PSD3: variants seen among roughly 807,000 people sequenced by gnomAD.
The protein encoded by PSD3 is pleckstrin and Sec7 domain containing 3, also known as PH and SEC7 domain-containing protein 3.
PSD3 carries 49 observed loss-of-function variants against 105.5 expected under a neutral mutation model. The observed-to-expected ratio is 0.46, with a 90% CI of 0.37 to 0.59. The LOEUF (loss-of-function observed/expected upper bound fraction) is 0.59. Among genes scored for constraint, PSD3 ranks in the 20% least tolerant of loss-of-function variants. The pLI is 0.00. For missense variants in PSD3, 1,561 were observed against 1,263.8 expected, an observed-to-expected ratio of 1.24 and a Z score of -3.57; for synonymous variants, 557 against 457.8, an observed-to-expected ratio of 1.22 and a Z score of -2.77.
intron 9 of PSD3, among the ~76,000 whole-genome samples, chr8:18,752,047 G>C (rs1211237880): frequency 6.6e-6 from 1 of 151,070 alleles, no homozygotes; most frequent in Non-Finnish European, 1.5e-5. Context: ...AATTAGCTGG[G>C]CGTGGTGGTG....
chr8:18,955,371 G>C (rs1190806904), intron 1 of PSD3, among the ~76,000 whole-genome samples: 3 of 152,140 alleles, frequency 2.0e-5, no homozygotes, highest in African/African-American at 7.2e-5. Context: ...CTCCTGAGTA[G>C]CTGGGACTAT....
chr8:18,836,911 G>A lies in PSD3; in HGVS notation c.1634+30763C>T, dbSNP rs73666732. Reference sequence around the variant, plus strand: ...TGTGGAACTCACAGATACCAGGGCTGACTGTACTTTGCTTCTAAAAAAAAT... The same window carrying A: ...TGTGGAACTCACAGATACCAGGGCTAACTGTACTTTGCTTCTAAAAAAAAT... On this transcript the variant is annotated intron_variant, in intron 4 of 15. Coordinates refer to ENST00000327040, the MANE Select transcript of PSD3 (RefSeq NM_015310.4). Among the ~76,000 whole-genome samples the A allele has an allele frequency of 9.5e-3, 1,427 of 150,818 alleles. 21 individuals carry two copies. The highest frequency in any genetic ancestry group is 0.032 in the African/African-American group (1,303 of 41,084).
intron 15 of PSD3, among the ~76,000 whole-genome samples, chr8:18,536,528 G>T (rs566002466): frequency 1.3e-5 from 2 of 152,166 alleles, no homozygotes; most frequent in Admixed American, 1.3e-4. Context: ...GTTTCCCTCC[G>T]TTGCTTTTCT....
At chr8:18,752,512 TATATGTA>T (rs1563224995) in intron 9 of PSD3, among the ~76,000 whole-genome samples, 18 of 56,156 alleles carry the variant, frequency 3.2e-4, no homozygotes, top group African/African-American at 1.9e-3. Flanking sequence ...ATATATATAA[TATATGTA>T]ATATATATAA....
chr8:18,933,924 A>C (rs545702317), intron 2 of PSD3, among the ~76,000 whole-genome samples: 1 of 152,382 alleles, frequency 6.6e-6, no homozygotes, highest in South Asian at 2.1e-4. Context: ...ATACATGTTA[A>C]GTATAAGAGA....
At chr8:18,879,045 C>A (rs1353970673) in intron 2 of PSD3, among the ~76,000 whole-genome samples, 1 of 135,746 alleles carries the variant, frequency 7.4e-6, no homozygotes, top group Non-Finnish European at 1.6e-5. Flanking sequence ...CAAACACACA[C>A]ACACAAACAC....
At chr8:18,734,989 C>A (rs1196585448) in intron 9 of PSD3, among the ~76,000 whole-genome samples, 1 of 152,182 alleles carries the variant, frequency 6.6e-6, no homozygotes, top group Non-Finnish European at 1.5e-5. Flanking sequence ...AGACTGTGCC[C>A]TTTATCCCCT....
chr8:19,051,546 A>G (rs1447722804), intron 1 of PSD3, among the ~76,000 whole-genome samples: 2 of 152,124 alleles, frequency 1.3e-5, no homozygotes, highest in African/African-American at 2.4e-5. Context: ...GTTTGCATGA[A>G]TTTTCTTCCT....
In PSD3 at chr8:18,770,945, G is replaced by A. The variant is rs377420670; in HGVS notation, c.2083-5407C>T. 9.0e-4 allele frequency among the ~76,000 whole-genome samples: 137 copies of A among 152,308 alleles called. 1 individual carries two copies. Among genetic ancestry groups the A allele is most frequent in the African/African-American group, 3.2e-3 (131 of 41,560 alleles). Reference sequence around the variant, plus strand: ...GGAAATTTTATTGCCGATGGAAGTGGCTCTCAGCAGGAAGGGGAGCTGAAA... The same window carrying A: ...GGAAATTTTATTGCCGATGGAAGTGACTCTCAGCAGGAAGGGGAGCTGAAA... On this transcript the variant is annotated intron_variant, in intron 8 of 15. Coordinates refer to ENST00000327040, the MANE Select transcript of PSD3 (RefSeq NM_015310.4).
At chr8:18,583,406 G>A (rs1227582611) in intron 12 of PSD3, among the ~76,000 whole-genome samples, 4 of 152,242 alleles carry the variant, frequency 2.6e-5, no homozygotes, top group Non-Finnish European at 4.4e-5. Context: ...ACTCCAGTTT[G>A]GGTAACAGAG....
chr8:18,783,323 C>A (rs1394283968), intron 8 of PSD3, among the ~76,000 whole-genome samples: 1 of 152,144 alleles, frequency 6.6e-6, no homozygotes, highest in Admixed American at 6.5e-5. Flanking sequence ...CTCTTCATTA[C>A]TGATTTTAGT....
chr8:18,704,430 T>G (rs1801771048), intron 9 of PSD3, among the ~76,000 whole-genome samples: 1 of 151,842 alleles, frequency 6.6e-6, no homozygotes, highest in Admixed American at 6.5e-5. Flanking sequence ...TTCTGTCTCC[T>G]GGGTTCAAGT....
intron 1 of PSD3, among the ~76,000 whole-genome samples, chr8:18,990,686 G>C (rs1825743655): frequency 1.3e-5 from 2 of 152,126 alleles, no homozygotes; most frequent in Non-Finnish European, 1.5e-5. Flanking sequence ...AATTTTAATT[G>C]AAATTTTTTA....
intron 11 of PSD3, 65 bp downstream of exon 11, chr8:18,632,548 C>T (rs2130768006): frequency 6.7e-7 from 1 of 1,496,392 alleles, no homozygotes; most frequent in East Asian, 2.3e-5. Flanking sequence ...CAGATAAATT[C>T]CCTTTAAATT....
chr8:18,605,816 A>G (rs933044208), intron 11 of PSD3, among the ~76,000 whole-genome samples: 1 of 152,046 alleles, frequency 6.6e-6, no homozygotes, highest in African/African-American at 2.4e-5. Flanking sequence ...TGGTTGTTTA[A>G]AAGTGTGGAG....
At position 18,676,194 on chromosome 8, in the gene PSD3, G is replaced by C. The variant is rs565658785; in HGVS notation, c.2173-20509C>G. Among the ~76,000 whole-genome samples the C allele has an allele frequency of 5.3e-5, 8 of 152,226 alleles. No homozygotes were observed. The South Asian group carries it at 1.2e-3, about 24-fold the overall frequency. On this transcript the variant is annotated intron_variant, in intron 9 of 15. Transcript: ENST00000327040. The stretch of plus-strand genomic sequence containing the variant: ...CTAAGCTTGCCAGGAATGACAGCAT[G>C]GACCAGCATTTTCTCTACAATGTTC...
intron 7 of PSD3, 137 bp from the exon 8 acceptor site, chr8:18,799,490 C>CA (rs1166094415): frequency 9.2e-6 from 6 of 654,834 alleles, no homozygotes; most frequent in Middle Eastern, 2.6e-4. Context: ...TTTTAAGAAA[C>CA]AAAAAATGGA....
intron 11 of PSD3, among the ~76,000 whole-genome samples, chr8:18,626,233 G>A (rs373399809): frequency 6.6e-6 from 1 of 151,566 alleles, no homozygotes; most frequent in African/African-American, 2.4e-5. Flanking sequence ...CTGACAAACT[G>A]AATGTTTAAA....
At chr8:18,569,460 A>G (rs1193479879) in intron 14 of PSD3, among the ~76,000 whole-genome samples, 1 of 150,400 alleles carries the variant, frequency 6.6e-6, no homozygotes, top group Non-Finnish European at 1.5e-5. Flanking sequence ...TACACCAACA[A>G]CAGACAAACA....
Sources: gnomAD v4.1 joint callset for allele counts (sites outside exome capture counted in the v4.1 genomes callset) on GRCh38, gnomAD v4.1.1 for gene constraint, MANE v1.5 for transcripts, NCBI Gene and HGNC (gene_info 2026-07-23, HGNC 2026-07-21) for gene names.